The following ST8SIA1 variants were observed in gnomAD, a reference collection of about 807,000 sequenced individuals.
ST8SIA1 encodes ST8 alpha-N-acetyl-neuraminide alpha-2,8-sialyltransferase 1, also known as alpha-N-acetylneuraminide alpha-2,8-sialyltransferase.
ST8SIA1 carries 16 observed loss-of-function variants against 35.9 expected under a neutral mutation model. The ratio of observed to expected loss-of-function variants is 0.45; its 90% CI spans 0.30 to 0.68. ST8SIA1 has a LOEUF of 0.68. ST8SIA1 is among the 30% of genes least tolerant of loss of function. The probability of loss-of-function intolerance (pLI) is 0.09; values close to 1 mark genes in which losing one functional copy is unlikely to be tolerated. For missense variants in ST8SIA1, 383 were observed against 453.6 expected (o/e 0.84, Z 1.41); for synonymous variants, 170 against 169.6 (o/e 1.00, Z -0.02).
intron 4 of ST8SIA1, among the ~76,000 whole-genome samples, chr12:22,206,221 C>T (rs2120620021): frequency 6.6e-6 from 1 of 152,194 alleles, no homozygotes; most frequent in Middle Eastern, 3.4e-3. Flanking sequence ...GAAAGCAAAC[C>T]TCAGTGGATC....
Position 22,246,006 on chromosome 12 carries a change from C to T in ST8SIA1, c.584+3000G>A, listed in dbSNP as rs568600648. ...ATCCTACACACTCCTTCATCTGAAT[C>T]CTTTGTAACATAATAAACCAGTAAA... On this transcript the variant is annotated intron_variant, in intron 4 of 4. Transcript: ENST00000396037. Among the ~76,000 whole-genome samples the T allele has an allele frequency of 3.9e-5, 6 of 152,322 alleles. No homozygotes were observed. In the South Asian group the frequency reaches 8.3e-4, roughly 21 times the overall value.
intron 1 of ST8SIA1, among the ~76,000 whole-genome samples, chr12:22,290,676 G>C (rs968188794): frequency 8.5e-5 from 13 of 152,188 alleles, no homozygotes; most frequent in African/African-American, 3.1e-4. Context: ...TTCCTGATCT[G>C]AGATTTGCAG....
At chr12:22,289,251 G>C (rs931019518) in intron 1 of ST8SIA1, among the ~76,000 whole-genome samples, 1 of 152,082 alleles carries the variant, frequency 6.6e-6, no homozygotes, top group Non-Finnish European at 1.5e-5. Flanking sequence ...ATATTTTTTA[G>C]TCCTCAGAGC....
At chr12:22,267,317 A>C (rs189720159) in intron 2 of ST8SIA1, among the ~76,000 whole-genome samples, 2 of 146,468 alleles carry the variant, frequency 1.4e-5, no homozygotes, top group East Asian at 4.4e-4. Context: ...TTGCCTGCTA[A>C]TTAACTATTA....
At chr12:22,277,524 G>T (rs78781446) in intron 2 of ST8SIA1, among the ~76,000 whole-genome samples, 5,884 of 151,782 alleles carry the variant, frequency 0.039, 398 homozygotes, top group African/African-American at 0.13. Flanking sequence ...CTGCCACTAC[G>T]CCCAGCTAAT....
intron 1 of ST8SIA1, among the ~76,000 whole-genome samples, chr12:22,321,675 G>C (rs939566195): frequency 3.0e-4 from 45 of 152,192 alleles, no homozygotes; most frequent in African/African-American, 9.9e-4. Flanking sequence ...AGACCCATTA[G>C]AGCCAGCTAA....
At chr12:22,323,625 A>C (rs1303396271) in intron 1 of ST8SIA1, among the ~76,000 whole-genome samples, 1 of 152,238 alleles carries the variant, frequency 6.6e-6, no homozygotes, top group Non-Finnish European at 1.5e-5. Flanking sequence ...TCAATGACAG[A>C]CTGGATAAAG....
intron 1 of ST8SIA1, among the ~76,000 whole-genome samples, chr12:22,296,649 A>G (rs1432992182): frequency 3.9e-5 from 6 of 152,198 alleles, no homozygotes; most frequent in Admixed American, 3.9e-4. Flanking sequence ...TCGTCTGTTA[A>G]TGGCATCACA....
At chr12:22,258,042 T>C (rs896565350) in intron 2 of ST8SIA1, among the ~76,000 whole-genome samples, 6 of 151,794 alleles carry the variant, frequency 4.0e-5, no homozygotes, top group Admixed American at 3.9e-4. Context: ...TCACTACCCC[T>C]ATCACCATCA....
At chr12:22,308,545 A>G (rs912605324) in intron 1 of ST8SIA1, among the ~76,000 whole-genome samples, 1 of 152,208 alleles carries the variant, frequency 6.6e-6, no homozygotes. Flanking sequence ...TCTTTCAAAT[A>G]TGACATCTCT....
At chr12:22,234,737 A>AGGTGACAACTATGTACTCCC (rs1170914671) in intron 4 of ST8SIA1, among the ~76,000 whole-genome samples, 7 of 152,218 alleles carry the variant, frequency 4.6e-5, no homozygotes, top group Non-Finnish European at 1.0e-4. Context: ...GCTATGAGCA[A>AGGTGACAACTATGTACTCCC]GGTGACAACT....
At chr12:22,202,823 T>C (rs17645440) in intron 4 of ST8SIA1, among the ~76,000 whole-genome samples, 2,692 of 152,230 alleles carry the variant, frequency 0.018, 58 homozygotes, top group Admixed American at 0.069. Context: ...ATACACTTCT[T>C]ATAGGGAAAC....
intron 2 of ST8SIA1, 64 bp downstream of exon 2, chr12:22,287,085 T>A: frequency 6.7e-7 from 1 of 1,486,464 alleles, no homozygotes; most frequent in Non-Finnish European, 9.1e-7. Flanking sequence ...AACTCAATTA[T>A]CCCTTTTCTA....
chr12:22,257,009 G>C (rs1488288308), intron 2 of ST8SIA1, among the ~76,000 whole-genome samples: 1 of 152,204 alleles, frequency 6.6e-6, no homozygotes, highest in Non-Finnish European at 1.5e-5. Context: ...TGCCTACTAT[G>C]CGTCAGGCAC....
Position 22,259,464 on chromosome 12 carries a change from AT to A in ST8SIA1, c.382-4076del, listed in dbSNP as rs1054469640. Among the ~76,000 whole-genome samples, 8 of 127,494 alleles carry A rather than the reference AT, an allele frequency of 6.3e-5. No individual in the cohort carries two copies. The South Asian group carries it at 8.8e-4, about 14-fold the overall frequency. The allele number at this position is 127,494 out of a possible 152,430, so 83.6% of individuals were successfully genotyped here. On this transcript the variant is annotated intron_variant, in intron 2 of 4. Transcript: ENST00000396037. Reference sequence around the variant, plus strand: ...AAACTTAATTGAGAAAATACTATGGATTTTTTTTTCTTTTTTTTTTTGAGAC... The same window carrying A: ...AAACTTAATTGAGAAAATACTATGGATTTTTTTTCTTTTTTTTTTTGAGAC...
chr12:22,256,906 A>G (rs945226616), intron 2 of ST8SIA1, among the ~76,000 whole-genome samples: 2 of 152,234 alleles, frequency 1.3e-5, no homozygotes, highest in Admixed American at 1.3e-4. Flanking sequence ...TCAACACTAG[A>G]AAAACATCAG....
At chr12:22,276,485 G>C (rs1254907600) in intron 2 of ST8SIA1, among the ~76,000 whole-genome samples, 2 of 152,166 alleles carry the variant, frequency 1.3e-5, no homozygotes, top group East Asian at 3.9e-4. Flanking sequence ...CACAGCCCCA[G>C]CTTAGCACAA....
At chr12:22,333,950 G>C in intron 1 of ST8SIA1, 47 bp downstream of exon 1, 1 of 1,552,166 alleles carries the variant, frequency 6.4e-7, no homozygotes, top group Non-Finnish European at 8.9e-7. Context: ...CTCTGCACTC[G>C]GGGAGGAAAG....
intron 1 of ST8SIA1, among the ~76,000 whole-genome samples, chr12:22,316,083 T>C (rs1270829013): frequency 1.3e-5 from 2 of 152,148 alleles, no homozygotes; most frequent in African/African-American, 2.4e-5. Flanking sequence ...GTAAATATTC[T>C]TAAACAAGAA....
Sources: allele counts gnomAD v4.1 joint callset (sites outside exome capture counted in the v4.1 genomes callset), GRCh38; gene constraint gnomAD v4.1.1; transcripts MANE v1.5; gene names NCBI Gene and HGNC (gene_info 2026-07-23, HGNC 2026-07-21).